The following UBN2 variants were observed in gnomAD, a reference collection of about 807,000 sequenced individuals.
The protein encoded by UBN2 is ubinuclein 2, also known as ubinuclein-2.
A neutral mutation model predicts 120.2 loss-of-function variants in UBN2; 35 were observed. The ratio of observed to expected loss-of-function variants is 0.29; its 90% CI spans 0.22 to 0.39. The LOEUF (loss-of-function observed/expected upper bound fraction) is 0.39, where lower values mean the gene tolerates loss of function less well. Ranked by LOEUF, UBN2 falls within the 10% of genes least tolerant of loss-of-function variation. The pLI, the probability that UBN2 is intolerant of heterozygous loss-of-function variation, is 1.00. For missense variants in UBN2, 1,693 were observed against 1,663.2 expected (o/e 1.02, Z -0.31); for synonymous variants, 661 against 648.7 (o/e 1.02, Z -0.29).
At chr7:139,236,158 TTTTG>T (rs1486002318) in intron 1 of UBN2, among the ~76,000 whole-genome samples, 3 of 152,212 alleles carry the variant, frequency 2.0e-5, no homozygotes, top group Non-Finnish European at 4.4e-5. Flanking sequence ...TGATCGCTAT[TTTTG>T]TTTGTTTTGT....
At chr7:139,234,120 A>G (rs567325926) in intron 1 of UBN2, among the ~76,000 whole-genome samples, 3 of 152,284 alleles carry the variant, frequency 2.0e-5, no homozygotes, top group South Asian at 4.1e-4. Context: ...AGGAAATCCT[A>G]GAAGAGAGAC....
At chr7:139,243,817 GC>G (rs1796388462) in intron 2 of UBN2, among the ~76,000 whole-genome samples, 2 of 152,202 alleles carry the variant, frequency 1.3e-5, no homozygotes, top group Non-Finnish European at 2.9e-5. Context: ...GTGGAGCAAT[GC>G]CTTTGGAACT....
chr7:139,292,595 G>T (rs953255336), intron 15 of UBN2, among the ~76,000 whole-genome samples: 1 of 152,172 alleles, frequency 6.6e-6, no homozygotes, highest in Non-Finnish European at 1.5e-5. Flanking sequence ...TTAGATAGTT[G>T]CTAGGAGTTG....
intron 6 of UBN2, 104 bp downstream of exon 6, chr7:139,261,845 TTTG>T: frequency 1.6e-6 from 2 of 1,230,406 alleles, no homozygotes; most frequent in Non-Finnish European, 2.2e-6. Context: ...TATAATTGCT[TTTG>T]TTTTTTAAAG....
At position 139,231,356 on chromosome 7, in the gene UBN2, G is replaced by A. The variant is rs1796001633; in HGVS notation, c.-129G>A. 4.0e-6 allele frequency: 3 copies of A among 757,860 alleles called. No homozygotes were observed. Among genetic ancestry groups the A allele is most frequent in the African/African-American group, 1.8e-5 (1 of 54,884 alleles). 46.9% of individuals were successfully genotyped at this position (757,860 alleles called of 1,614,324 possible). ...CACGGTCCGCACTCACCGTGGCGCCGGCGGAGACGGCTGAGGGTGGTGGAG... is the reference window on the plus strand; with the variant it reads ...CACGGTCCGCACTCACCGTGGCGCCAGCGGAGACGGCTGAGGGTGGTGGAG... On this transcript the variant is annotated 5_prime_UTR_variant, in exon 1 of 18. Transcript: ENST00000473989.
At chr7:139,289,430 T>TTTTTTTTTTTTTTTTTTTTTTTTTTTG (rs1797883087) in intron 15 of UBN2, among the ~76,000 whole-genome samples, 1 of 150,604 alleles carries the variant, frequency 6.6e-6, no homozygotes, top group African/African-American at 2.5e-5. Flanking sequence ...TTTTTTTTTT[T>TTTTTTTTTTTTTTTTTTTTTTTTTTTG]GAGACAGGGT....
At chr7:139,285,688 T>C (rs1797765131) in intron 15 of UBN2, among the ~76,000 whole-genome samples, 1 of 152,118 alleles carries the variant, frequency 6.6e-6, no homozygotes, top group South Asian at 2.1e-4. Flanking sequence ...ATGTGTCTGA[T>C]TACTGTTTCT....
Position 139,279,169 on chromosome 7 carries a change from G to T in UBN2, c.2025-149G>T. The T allele has an allele frequency of 1.1e-5, 7 of 624,790 alleles. No homozygotes were observed. The South Asian group carries it at 1.4e-4, about 13-fold the overall frequency. 38.7% of individuals were successfully genotyped at this position (624,790 alleles called of 1,614,324 possible). On this transcript the variant is annotated intron_variant, in intron 12 of 17. Coordinates refer to ENST00000473989, the MANE Select transcript of UBN2 (RefSeq NM_173569.4). ...TGGGGAAAATGTTGCTACATACTTCGTATAAACTGAGCACTTAAATACGGT... is the reference window on the plus strand; with the variant it reads ...TGGGGAAAATGTTGCTACATACTTCTTATAAACTGAGCACTTAAATACGGT...
chr7:139,261,837 TA>T lies in UBN2; in HGVS notation c.1395+98del, dbSNP rs1194741239. 11 of 1,266,770 alleles carry T rather than the reference TA, an allele frequency of 8.7e-6. No homozygotes were observed. In the East Asian group the frequency reaches 1.0e-4, roughly 12 times the overall value. The allele number at this position is 1,266,770 out of a possible 1,614,324, so 78.5% of individuals were successfully genotyped here. On this transcript the variant is annotated intron_variant, in intron 6 of 17. Coordinates refer to ENST00000473989, the MANE Select transcript of UBN2 (RefSeq NM_173569.4). ...TTTTATTTTCCACATAACACTGGTA[TA>T]ATTGCTTTTGTTTTTTAAAGATAAA...
chr7:139,281,574 G>GA (rs1797612668), intron 13 of UBN2, among the ~76,000 whole-genome samples: 1 of 151,888 alleles, frequency 6.6e-6, no homozygotes, highest in South Asian at 2.1e-4. Context: ...ATATAAATGG[G>GA]ATAACCTGCT....
At position 139,261,394 on chromosome 7, in the gene UBN2, T is replaced by G. The variant is rs774640695; in HGVS notation, c.1048T>G (p.Leu350Val). 3.1e-6 allele frequency: 5 copies of G among 1,614,194 alleles called. 1 individual carries two copies. In the South Asian group the frequency reaches 5.5e-5, roughly 18 times the overall value. The change falls in exon 6 of 18, where the codon TTG (leucine) becomes GTG (valine). Residue 350 changes from leucine (L) to valine (V), a missense_variant. Around this residue, in one of 5 missense-constraint regions of UBN2, gnomAD observed 663 missense variants for 591.2 expected, o/e 1.12. Coordinates refer to ENST00000473989, the MANE Select transcript of UBN2 (RefSeq NM_173569.4). ...GTCTAACCCCAAAGTCCCAGTGACC[T>G]TGTCAACCCCTTCTCTGAATAAACC... ...KESNPKVPVT[L>V]STPSLNKPPC...
intron 9 of UBN2, 54 bp downstream of exon 9, chr7:139,272,494 TTATGTATGTATGTATGTATGTATGTATG>T: frequency 1.8e-6 from 2 of 1,104,838 alleles, no homozygotes; most frequent in Non-Finnish European, 2.6e-6. Context: ...TGTATGTACG[TTATGTATGTATGTATGTATGTATGTATG>T]TATGTATGTA....
At position 139,300,399 on chromosome 7, in the gene UBN2, T is replaced by C. The variant is rs1413127882; in HGVS notation, c.*2563T>C. 1 of 152,240 alleles carries C rather than the reference T, an allele frequency of 6.6e-6. No homozygotes were observed. Among genetic ancestry groups the C allele is most frequent in the African/African-American group, 2.4e-5 (1 of 41,470 alleles). 9.4% of individuals were successfully genotyped at this position (152,240 alleles called of 1,614,324 possible). A position where few individuals can be genotyped will look rare whatever the true frequency, so the allele number is the denominator to read the frequency against. On this transcript the variant is annotated 3_prime_UTR_variant, in exon 18 of 18. Coordinates refer to ENST00000473989, the MANE Select transcript of UBN2 (RefSeq NM_173569.4). ...TTCTACATGTAAATAGTAATCTATT[T>C]CTTTCCTAGATCATAACATTGAAAA...
chr7:139,292,868 C>T (rs1381091791), intron 15 of UBN2, among the ~76,000 whole-genome samples: 1 of 152,176 alleles, frequency 6.6e-6, no homozygotes, highest in Non-Finnish European at 1.5e-5. Context: ...AAGCAGCAGT[C>T]TGCAGCAGCC....
At chr7:139,233,490 GAC>G (rs1796082445) in intron 1 of UBN2, among the ~76,000 whole-genome samples, 2 of 152,242 alleles carry the variant, frequency 1.3e-5, no homozygotes, top group Middle Eastern at 3.4e-3. Context: ...CTGTGTGCTA[GAC>G]ACAGTTCTAA....
rs578036603 is a variant in UBN2, at chr7:139,241,916, T to C, written c.561+4819T>C. On this transcript the variant is annotated intron_variant, in intron 2 of 17. Transcript: ENST00000473989. Reference sequence around the variant, plus strand: ...GGGAGACTGAGGCAGGAGAATCCCTTGAACCCAGGAGGCAGAGATTGCAGT... The same window carrying C: ...GGGAGACTGAGGCAGGAGAATCCCTCGAACCCAGGAGGCAGAGATTGCAGT... Among the ~76,000 whole-genome samples, 3 of 152,174 alleles carry C rather than the reference T, an allele frequency of 2.0e-5. No homozygotes were observed. In the South Asian group the frequency reaches 6.2e-4, roughly 32 times the overall value.
downstream of UBN2, among the ~76,000 whole-genome samples, chr7:139,309,654 T>A (rs1228804768): frequency 6.6e-6 from 1 of 152,196 alleles, no homozygotes; most frequent in Non-Finnish European, 1.5e-5. Context: ...GTGGATCACC[T>A]GAGGTCGGGA....
the UBN2 span, among the ~76,000 whole-genome samples, chr7:139,321,371 T>A: frequency 6.6e-6 from 1 of 152,180 alleles, no homozygotes; most frequent in South Asian, 2.1e-4. Flanking sequence ...AGGGAGCACT[T>A]CAAGAGGACC....
chr7:139,238,372 C>T (rs1380705785), intron 2 of UBN2, among the ~76,000 whole-genome samples: 1 of 152,136 alleles, frequency 6.6e-6, no homozygotes, highest in Admixed American at 6.6e-5. Flanking sequence ...CATACTTTGC[C>T]ATCTGCTAAT....
Sources: gnomAD v4.1 joint callset for allele counts (sites outside exome capture counted in the v4.1 genomes callset) on GRCh38, gnomAD v4.1.1 for gene constraint, gnomAD v4.1.1 regional missense constraint, MANE v1.5 for transcripts, NCBI Gene and HGNC (gene_info 2026-07-23, HGNC 2026-07-21) for gene names.